GALNTL6: variants seen among roughly 807,000 people sequenced by gnomAD.
GALNTL6 encodes polypeptide N-acetylgalactosaminyltransferase like 6.
A neutral mutation model predicts 73.7 loss-of-function variants in GALNTL6; 46 were observed. The ratio of observed to expected loss-of-function variants is 0.62; its 90% CI spans 0.49 to 0.80. GALNTL6 has a LOEUF of 0.80. Ranked by LOEUF, GALNTL6 falls within the 30% of genes least tolerant of loss-of-function variation. The probability of loss-of-function intolerance (pLI) is 0.00; values close to 1 mark genes in which losing one functional copy is unlikely to be tolerated. For synonymous variants in GALNTL6, 259 were observed against 263.7 expected (o/e 0.98, Z 0.17); for missense variants, 604 against 755.0 (o/e 0.80, Z 2.34).
chr4:172,758,913 A>G (rs907761414), intron 5 of GALNTL6, among the ~76,000 whole-genome samples: 31 of 152,356 alleles, frequency 2.0e-4, no homozygotes, highest in African/African-American at 6.5e-4. Context: ...TGCGAGGACA[A>G]TAAAAGTCCC....
At chr4:171,877,193 A>C (rs1476626548) in intron 2 of GALNTL6, among the ~76,000 whole-genome samples, 1 of 152,172 alleles carries the variant, frequency 6.6e-6, no homozygotes, top group Non-Finnish European at 1.5e-5. Flanking sequence ...AGAGGTCCAT[A>C]GACTCCTTGC....
chr4:171,849,536 G>T (rs897049876), intron 2 of GALNTL6, among the ~76,000 whole-genome samples: 3 of 151,908 alleles, frequency 2.0e-5, no homozygotes, highest in Non-Finnish European at 4.4e-5. Context: ...TTTGAAAATA[G>T]AAATAAAGAA....
At chr4:171,989,117 AG>A (rs1740237374) in intron 2 of GALNTL6, among the ~76,000 whole-genome samples, 1 of 151,892 alleles carries the variant, frequency 6.6e-6, no homozygotes, top group African/African-American at 2.4e-5. Context: ...GGCCGTCAAT[AG>A]CACAACAGTT....
At chr4:172,342,102 C>T (rs907573174) in intron 4 of GALNTL6, among the ~76,000 whole-genome samples, 3 of 152,008 alleles carry the variant, frequency 2.0e-5, no homozygotes, top group African/African-American at 4.8e-5. Flanking sequence ...CATGACAGTT[C>T]ATCATAAATT....
chr4:172,300,465 T>C lies in GALNTL6; in HGVS notation c.248-11149T>C, dbSNP rs1462864117. On this transcript the variant is annotated intron_variant, in intron 3 of 12. Coordinates refer to ENST00000506823, the MANE Select transcript of GALNTL6 (RefSeq NM_001034845.3). The stretch of plus-strand genomic sequence containing the variant: ...TAGTTGATGCAGTTTCTTCCTACCA[T>C]TGATGGTCTTTACAATTTGGCATGT... Among the ~76,000 whole-genome samples, 9 of 152,292 alleles carry C rather than the reference T, an allele frequency of 5.9e-5. No homozygotes were observed. In the East Asian group the frequency reaches 9.7e-4, roughly 16 times the overall value.
chr4:171,915,473 T>C (rs1737590919), intron 2 of GALNTL6, among the ~76,000 whole-genome samples: 1 of 152,284 alleles, frequency 6.6e-6, no homozygotes, highest in East Asian at 1.9e-4. Flanking sequence ...GTGATAGTGA[T>C]TCTAAATAAA....
At chr4:171,870,263 T>C (rs1034912737) in intron 2 of GALNTL6, among the ~76,000 whole-genome samples, 2 of 152,186 alleles carry the variant, frequency 1.3e-5, no homozygotes, top group African/African-American at 4.8e-5. Context: ...GTTTCATGAA[T>C]GATGCCCAGA....
At chr4:172,058,687 G>C (rs1014671139) in intron 2 of GALNTL6, among the ~76,000 whole-genome samples, 1 of 151,932 alleles carries the variant, frequency 6.6e-6, no homozygotes, top group African/African-American at 2.4e-5. Flanking sequence ...ACTGTCTATT[G>C]CCATTCTGTT....
chr4:172,910,770 T>TTC (rs1239261974), intron 8 of GALNTL6, among the ~76,000 whole-genome samples: 1 of 152,192 alleles, frequency 6.6e-6, no homozygotes, highest in Non-Finnish European at 1.5e-5. Context: ...TTGAATAGTG[T>TTC]TCTCTGCATG....
intron 5 of GALNTL6, among the ~76,000 whole-genome samples, chr4:172,733,748 T>C (rs542870778): frequency 2.6e-5 from 4 of 152,312 alleles, no homozygotes; most frequent in African/African-American, 9.6e-5. Context: ...TCCCCAGCCA[T>C]GTGGAACTGT....
chr4:172,974,481 A>G (rs1750720910), intron 10 of GALNTL6, among the ~76,000 whole-genome samples: 1 of 152,236 alleles, frequency 6.6e-6, no homozygotes, highest in South Asian at 2.1e-4. Flanking sequence ...GCTTACTGTA[A>G]TTAGTTTAAT....
At chr4:172,587,414 C>T (rs1737453255) in intron 5 of GALNTL6, among the ~76,000 whole-genome samples, 1 of 152,130 alleles carries the variant, frequency 6.6e-6, no homozygotes, top group Non-Finnish European at 1.5e-5. Context: ...CTGGAGGGAT[C>T]TTTGTTCAAC....
intron 10 of GALNTL6, among the ~76,000 whole-genome samples, chr4:172,958,109 A>G (rs10014915): frequency 0.85 from 128,888 of 152,096 alleles, 54,814 homozygotes; most frequent in Middle Eastern, 0.94. Context: ...TGAAGGAGCC[A>G]GGGAGCAGAA....
chr4:171,831,192 AGTTAG>A (rs1285849002), intron 2 of GALNTL6, among the ~76,000 whole-genome samples: 5 of 152,006 alleles, frequency 3.3e-5, no homozygotes, highest in Non-Finnish European at 7.4e-5. Context: ...ATCTACCTTG[AGTTAG>A]GTTCATTTGA....
chr4:172,367,452 C>G (rs750597095), intron 5 of GALNTL6, among the ~76,000 whole-genome samples: 2 of 151,530 alleles, frequency 1.3e-5, no homozygotes, highest in Non-Finnish European at 2.9e-5. Context: ...TTCATAAGGC[C>G]CCTAGAAAGA....
chr4:172,539,004 A>G (rs895009739), intron 5 of GALNTL6, among the ~76,000 whole-genome samples: 4 of 152,300 alleles, frequency 2.6e-5, no homozygotes, highest in South Asian at 2.1e-4. Flanking sequence ...TTAGATGCCA[A>G]CCTCCTTATA....
At chr4:172,925,002 C>G (rs1306347680) in intron 8 of GALNTL6, among the ~76,000 whole-genome samples, 2 of 151,828 alleles carry the variant, frequency 1.3e-5, no homozygotes, top group Non-Finnish European at 2.9e-5. Context: ...CTCCCGAGTA[C>G]CTGGGACTAC....
intron 2 of GALNTL6, among the ~76,000 whole-genome samples, chr4:171,824,234 T>C (rs1734767861): frequency 6.6e-6 from 1 of 151,710 alleles, no homozygotes; most frequent in Non-Finnish European, 1.5e-5. Context: ...ATATTACAAC[T>C]GCATCGGAAA....
chr4:172,092,976 C>A (rs1050721962), intron 2 of GALNTL6, among the ~76,000 whole-genome samples: 1 of 150,056 alleles, frequency 6.7e-6, no homozygotes, highest in African/African-American at 2.5e-5. Context: ...CAGGTTCAAA[C>A]GATTCTCCTG....
Sources: allele counts gnomAD v4.1 joint callset (sites outside exome capture counted in the v4.1 genomes callset), GRCh38; gene constraint gnomAD v4.1.1; transcripts MANE v1.5; gene names NCBI Gene and HGNC (gene_info 2026-07-23, HGNC 2026-07-21).